The following ZNF83 variants were observed in gnomAD, a reference collection of about 807,000 sequenced individuals.
ZNF83 encodes the protein zinc finger protein 83, also known as zinc finger protein 816B.
For synonymous variants in ZNF83, 209 were observed against 213.0 expected (o/e 0.98, Z 0.17); for missense variants, 552 against 629.9 (o/e 0.88, Z 1.32).
chr19:52,624,024 C>G (rs981829014), intron 2 of ZNF83, among the ~76,000 whole-genome samples: 1 of 152,166 alleles, frequency 6.6e-6, no homozygotes. Flanking sequence ...CATCCCAGCC[C>G]CTCTTTGCTT....
exon 3 of ZNF83, chr19:52,613,446 A>AT: frequency 6.2e-7 from 1 of 1,613,796 alleles, no homozygotes; most frequent in Non-Finnish European, 8.5e-7. Context: ...CATCACACTT[A>AT]TAAGGTTTCT....
At chr19:52,624,071 A>C (rs1426644263) in intron 2 of ZNF83, among the ~76,000 whole-genome samples, 3 of 119,012 alleles carry the variant, frequency 2.5e-5, no homozygotes, top group Non-Finnish European at 5.5e-5. Context: ...CAGTCCCAGC[A>C]GCTTACCTGG....
intron 1 of ZNF83, among the ~76,000 whole-genome samples, chr19:52,678,678 T>G (rs544414616): frequency 6.6e-6 from 1 of 151,912 alleles, no homozygotes; most frequent in African/African-American, 2.4e-5. Flanking sequence ...AAATGTTTCA[T>G]CAAAAATATC....
At chr19:52,670,768 A>G (rs2061714267) in intron 1 of ZNF83, among the ~76,000 whole-genome samples, 1 of 152,208 alleles carries the variant, frequency 6.6e-6, no homozygotes, top group African/African-American at 2.4e-5. Flanking sequence ...AAGATGCATT[A>G]ATTTTGTTCA....
chr19:52,614,879 A>T lies in ZNF83; in HGVS notation c.-233-82T>A, dbSNP rs928324471. ...CTCCTATTGAAATGTGTAATAGTAC[A>T]CTAAGAGTAATACTTATGTTAAAGA... On this transcript the variant is annotated intron_variant, in intron 2 of 2. Coordinates refer to ENST00000301096, the Ensembl canonical transcript of ZNF83. 75 of 1,147,224 alleles carry T rather than the reference A, an allele frequency of 6.5e-5. No homozygotes were observed. In the African/African-American group the frequency reaches 1.0e-3, roughly 16 times the overall value. The allele number at this position is 1,147,224 out of a possible 1,614,324, so 71.1% of individuals were successfully genotyped here.
chr19:52,636,640 T>C (rs1179700461), intron 1 of ZNF83: 1 of 150,132 alleles, frequency 6.7e-6, no homozygotes, highest in Non-Finnish European at 1.5e-5. Context: ...CCCACTCATC[T>C]AAACCCAAAG....
chr19:52,612,679 C>A, exon 3 of ZNF83: 1 of 268,450 alleles, frequency 3.7e-6, no homozygotes, highest in Non-Finnish European at 7.0e-6. Flanking sequence ...AATGGTTTCC[C>A]ACTCTCAGTG....
At chr19:52,658,751 C>G (rs12461153) in intron 2 of ZNF83, among the ~76,000 whole-genome samples, 2 of 151,866 alleles carry the variant, frequency 1.3e-5, no homozygotes, top group African/African-American at 4.8e-5. Flanking sequence ...CCCAGTTAAG[C>G]CTGTTTACCC....
In ZNF83 at chr19:52,634,537, G is replaced by A. The variant is rs1273304720; in HGVS notation, c.-234+529C>T. ...AAAACACCTTGTATCATGCATGTCTGTGTATGAACTTTCCATTCTAATTAG... is the reference window on the plus strand; with the variant it reads ...AAAACACCTTGTATCATGCATGTCTATGTATGAACTTTCCATTCTAATTAG... On this transcript the variant is annotated intron_variant, in intron 2 of 2. Transcript: ENST00000301096. 2.6e-5 allele frequency among the ~76,000 whole-genome samples: 4 copies of A among 152,030 alleles called. No homozygotes were observed. In the East Asian group the frequency reaches 7.7e-4, roughly 29 times the overall value.
exon 3 of ZNF83, chr19:52,613,573 G>A (rs2060187914): frequency 1.2e-6 from 2 of 1,602,972 alleles, no homozygotes; most frequent in Non-Finnish European, 1.7e-6. Context: ...ATTTACTAGG[G>A]ATGACTTGTG....
chr19:52,657,022 G>A, intron 2 of ZNF83, among the ~76,000 whole-genome samples: 1 of 152,180 alleles, frequency 6.6e-6, no homozygotes, highest in African/African-American at 2.4e-5. Context: ...AGGCTGAGGT[G>A]GGAGGATTGC....
chr19:52,620,903 C>T (rs954874868), intron 2 of ZNF83, among the ~76,000 whole-genome samples: 19 of 152,186 alleles, frequency 1.2e-4, no homozygotes, highest in African/African-American at 4.3e-4. Flanking sequence ...CCACCATGCA[C>T]TTTGTGACCC....
intron 2 of ZNF83, among the ~76,000 whole-genome samples, chr19:52,626,569 ATT>A: frequency 6.6e-6 from 1 of 152,036 alleles, no homozygotes; most frequent in Admixed American, 6.6e-5. Context: ...TCCTTCTCTT[ATT>A]CAGGCCCTGT....
At chr19:52,657,908 G>A (rs7248757) in intron 2 of ZNF83, among the ~76,000 whole-genome samples, 62,180 of 149,480 alleles carry the variant, frequency 0.42, 13,345 homozygotes, top group East Asian at 0.71. Flanking sequence ...AGGCCAAGGC[G>A]GGGGGATCAC....
chr19:52,637,592 T>C (rs1372689166), intron 1 of ZNF83, among the ~76,000 whole-genome samples: 2 of 152,196 alleles, frequency 1.3e-5, no homozygotes, highest in African/African-American at 4.8e-5. Flanking sequence ...CTTTGCCCTC[T>C]GTTATGGGTC....
At chr19:52,653,137 T>A in intron 3 of ZNF83, 1 of 1,471,578 alleles carries the variant, frequency 6.8e-7, no homozygotes, top group East Asian at 2.3e-5. Context: ...GCCACACTCA[T>A]GACAGTTGTA....
chr19:52,625,320 A>C (rs2060699259), intron 2 of ZNF83, among the ~76,000 whole-genome samples: 1 of 152,108 alleles, frequency 6.6e-6, no homozygotes, highest in African/African-American at 2.4e-5. Flanking sequence ...TATGGGCTGA[A>C]AGAGGTTTCC....
In ZNF83 at chr19:52,654,068, T is replaced by C; in HGVS notation, c.-74+1493A>G. 4.4e-6 allele frequency: 7 copies of C among 1,595,220 alleles called. No individual in the cohort carries two copies. In the South Asian group the frequency reaches 5.5e-5, roughly 13 times the overall value. ...ATAGACTTCTCCACTTGATTATCAA[T>C]TTTCCCTTCAGTCTGAAATTCGTGC... On this transcript the variant is annotated intron_variant, in intron 3 of 5. Transcript: ENST00000594682.
chr19:52,661,950 C>G (rs1273188842), intron 1 of ZNF83, among the ~76,000 whole-genome samples: 1 of 152,134 alleles, frequency 6.6e-6, no homozygotes. Flanking sequence ...GGTGAAGGCC[C>G]TGAGACAGGA....
Sources: allele counts gnomAD v4.1 joint callset (sites outside exome capture counted in the v4.1 genomes callset), GRCh38; gene constraint gnomAD v4.1.1; transcripts MANE v1.5; gene names NCBI Gene and HGNC (gene_info 2026-07-23, HGNC 2026-07-21).